The following SLIT2 variants were observed in gnomAD, a reference collection of about 807,000 sequenced individuals.
SLIT2 encodes slit guidance ligand 2.
Under a neutral mutation model 185.7 loss-of-function variants are expected in SLIT2, and 41 were observed. The observed-to-expected ratio is 0.22, with a 90% CI of 0.17 to 0.29. The LOEUF (loss-of-function observed/expected upper bound fraction) is 0.29, where lower values mean the gene tolerates loss of function less well. SLIT2 is among the 10% of genes least tolerant of loss of function. The probability of loss-of-function intolerance (pLI) is 1.00; values close to 1 mark genes in which losing one functional copy is unlikely to be tolerated. For synonymous variants in SLIT2, 693 were observed against 680.2 expected (o/e 1.02, Z -0.29); for missense variants, 1,571 against 1,909.0 (o/e 0.82, Z 3.30).
chr4:20,480,646 G>A, intron 5 of SLIT2, 70 bp from the exon 6 acceptor site: 3 of 1,165,132 alleles, frequency 2.6e-6, no homozygotes, highest in Non-Finnish European at 3.9e-6. Context: ...GACCCTTCAG[G>A]AAACTTCTCA....
chr4:20,525,240 A>G, intron 15 of SLIT2, 68 bp downstream of exon 15: 1 of 1,140,844 alleles, frequency 8.8e-7, no homozygotes. Context: ...TATAGCTTCT[A>G]AAACTGATAT....
intron 4 of SLIT2, among the ~76,000 whole-genome samples, chr4:20,447,741 A>G (rs1214480072): frequency 6.6e-6 from 1 of 152,186 alleles, no homozygotes; most frequent in Admixed American, 6.5e-5. Context: ...AAAAAAAGTA[A>G]AACCTAAAAG....
chr4:20,377,178 A>T (rs1338124697), intron 4 of SLIT2, among the ~76,000 whole-genome samples: 1 of 152,142 alleles, frequency 6.6e-6, no homozygotes, highest in Non-Finnish European at 1.5e-5. Context: ...ATTTGAATAA[A>T]ATGCTAATTC....
chr4:20,301,422 C>T (rs1717025661), intron 4 of SLIT2, among the ~76,000 whole-genome samples: 1 of 152,070 alleles, frequency 6.6e-6, no homozygotes, highest in Admixed American at 6.6e-5. Flanking sequence ...TTGTTATACC[C>T]AATTACCCTT....
At chr4:20,475,324 T>C (rs1364434186) in intron 5 of SLIT2, among the ~76,000 whole-genome samples, 1 of 151,800 alleles carries the variant, frequency 6.6e-6, no homozygotes, top group Non-Finnish European at 1.5e-5. Context: ...TGGTTTTTTT[T>C]TTTTTTTCCT....
At chr4:20,280,831 A>ATTTTTTTT (rs1714677185) in intron 4 of SLIT2, among the ~76,000 whole-genome samples, 1 of 144,116 alleles carries the variant, frequency 6.9e-6, no homozygotes, top group East Asian at 2.2e-4. Flanking sequence ...TATTAAAAAA[A>ATTTTTTTT]TGTTTTTTTT....
chr4:20,479,204 C>T (rs1404713377), intron 5 of SLIT2, among the ~76,000 whole-genome samples: 7 of 152,096 alleles, frequency 4.6e-5, no homozygotes, highest in African/African-American at 1.7e-4. Flanking sequence ...TAGAGAACTT[C>T]TTATAAATGA....
intron 5 of SLIT2, among the ~76,000 whole-genome samples, chr4:20,471,232 AT>A (rs1266151727): frequency 6.6e-6 from 1 of 151,318 alleles, no homozygotes; most frequent in Admixed American, 6.6e-5. Context: ...TTCAAACTAC[AT>A]TGTTCAAGAA....
At chr4:20,424,552 T>C (rs1411859363) in intron 4 of SLIT2, among the ~76,000 whole-genome samples, 1 of 152,054 alleles carries the variant, frequency 6.6e-6, no homozygotes, top group Non-Finnish European at 1.5e-5. Context: ...CTATTTGTCG[T>C]CTAATTTTTT....
intron 29 of SLIT2, among the ~76,000 whole-genome samples, chr4:20,575,751 T>C (rs1430374149): frequency 6.6e-6 from 1 of 152,176 alleles, no homozygotes; most frequent in Non-Finnish European, 1.5e-5. Flanking sequence ...TAAGGAAAGC[T>C]GTACCCACAA....
intron 4 of SLIT2, among the ~76,000 whole-genome samples, chr4:20,414,658 C>T (rs1406577053): frequency 6.6e-6 from 1 of 152,160 alleles, no homozygotes; most frequent in African/African-American, 2.4e-5. Context: ...ATGACATCTT[C>T]CCTCCCACCC....
In SLIT2 at chr4:20,274,562, G is replaced by A. The variant is rs76214875; in HGVS notation, c.395+5681G>A. On this transcript the variant is annotated intron_variant, in intron 4 of 36. Coordinates refer to ENST00000504154, the MANE Select transcript of SLIT2 (RefSeq NM_004787.4). Reference sequence around the variant, plus strand: ...TAAGATCATATTTGAGATTTTGCCAGATCTAGTGTTGATGGTTTTTACTTC... The same window carrying A: ...TAAGATCATATTTGAGATTTTGCCAAATCTAGTGTTGATGGTTTTTACTTC... 7.5e-3 allele frequency among the ~76,000 whole-genome samples: 1,141 copies of A among 152,212 alleles called. 12 individuals carry two copies. The highest frequency in any genetic ancestry group is 0.026 in the African/African-American group (1,063 of 41,530).
intron 4 of SLIT2, among the ~76,000 whole-genome samples, chr4:20,395,430 A>G (rs1371884951): frequency 6.6e-6 from 1 of 152,042 alleles, no homozygotes; most frequent in African/African-American, 2.4e-5. Context: ...CATGGAACAA[A>G]GGATATGGAT....
intron 4 of SLIT2, among the ~76,000 whole-genome samples, chr4:20,318,075 C>T (rs1256180733): frequency 2.0e-5 from 3 of 152,088 alleles, no homozygotes; most frequent in African/African-American, 4.8e-5. Flanking sequence ...TTGCCTTGTT[C>T]TTACATCAGA....
chr4:20,332,540 G>A (rs1310582221), intron 4 of SLIT2, among the ~76,000 whole-genome samples: 1 of 152,016 alleles, frequency 6.6e-6, no homozygotes, highest in Non-Finnish European at 1.5e-5. Flanking sequence ...AAATTAGCTG[G>A]GTGTTATGGC....
chr4:20,377,230 G>T (rs536435072), intron 4 of SLIT2, among the ~76,000 whole-genome samples: 2 of 152,084 alleles, frequency 1.3e-5, no homozygotes, highest in South Asian at 4.1e-4. Flanking sequence ...TTCTCAAATA[G>T]AAAAATGTTA....
At chr4:20,423,961 T>A (rs1293589207) in intron 4 of SLIT2, among the ~76,000 whole-genome samples, 1 of 152,126 alleles carries the variant, frequency 6.6e-6, no homozygotes, top group Non-Finnish European at 1.5e-5. Flanking sequence ...AAGAATCTAT[T>A]GGCAATCTCT....
intron 4 of SLIT2, among the ~76,000 whole-genome samples, chr4:20,282,179 A>G (rs1714840345): frequency 6.6e-6 from 1 of 152,324 alleles, no homozygotes; most frequent in Non-Finnish European, 1.5e-5. Flanking sequence ...ATCCTTTCCC[A>G]TTTAGAAGCC....
At chr4:20,366,534 A>G (rs1306422138) in intron 4 of SLIT2, among the ~76,000 whole-genome samples, 1 of 152,018 alleles carries the variant, frequency 6.6e-6, no homozygotes, top group Non-Finnish European at 1.5e-5. Flanking sequence ...CACCCAAACC[A>G]TATGTGTTGT....
Sources: gnomAD v4.1 joint callset for allele counts (sites outside exome capture counted in the v4.1 genomes callset) on GRCh38, gnomAD v4.1.1 for gene constraint, MANE v1.5 for transcripts, NCBI Gene and HGNC (gene_info 2026-07-23, HGNC 2026-07-21) for gene names.